PNLIP: variants seen among roughly 807,000 people sequenced by gnomAD.
PNLIP encodes the protein pancreatic triacylglycerol lipase.
A neutral mutation model predicts 57.1 loss-of-function variants in PNLIP; 49 were observed. The ratio of observed to expected loss-of-function variants is 0.86; its 90% CI spans 0.68 to 1.09. The LOEUF is 1.09. Among genes scored for constraint, PNLIP ranks in the 50% least tolerant of loss-of-function variants. PNLIP has a pLI of 0.00. For missense variants in PNLIP, 503 were observed against 570.2 expected (o/e 0.88, Z 1.20); for synonymous variants, 209 against 200.4 (o/e 1.04, Z -0.36).
At chr10:116,550,956 CT>C in intron 4 of PNLIP, 141 bp from the exon 5 acceptor site, 1 of 593,904 alleles carries the variant, frequency 1.7e-6, no homozygotes, top group Non-Finnish European at 2.7e-6. Flanking sequence ...CTATAACAGA[CT>C]AAAAGTTTTG....
At chr10:116,554,678 G>A (rs190512630) in intron 6 of PNLIP, among the ~76,000 whole-genome samples, 2 of 152,290 alleles carry the variant, frequency 1.3e-5, no homozygotes, top group East Asian at 3.9e-4. Flanking sequence ...TAAGTCGGCT[G>A]TATTTGGACT....
chr10:116,563,597 C>T (rs1245678140), intron 12 of PNLIP, among the ~76,000 whole-genome samples: 2 of 152,066 alleles, frequency 1.3e-5, no homozygotes, highest in Non-Finnish European at 2.9e-5. Context: ...TATGCCTTTG[C>T]GTCATCATAG....
Position 116,545,944 on chromosome 10 carries a change from G to T in PNLIP, c.-15G>T, listed in dbSNP as rs573549763. The T allele has an allele frequency of 4.1e-4, 263 of 636,054 alleles. 5 individuals carry two copies. In the South Asian group the frequency reaches 5.2e-3, roughly 13 times the overall value. 39.4% of individuals were successfully genotyped at this position (636,054 alleles called of 1,614,324 possible). A position where few individuals can be genotyped will look rare whatever the true frequency, so the allele number is the denominator to read the frequency against. ...TGCTATCTGGTTGCGTGTGGAACCT[G>T]ACGGAACTGCCACGGTGAGTCGGGA... On this transcript the variant is annotated 5_prime_UTR_variant, in exon 1 of 13. Coordinates refer to ENST00000369221, the MANE Select transcript of PNLIP (RefSeq NM_000936.4).
At chr10:116,565,542 C>A (rs1433813770) in intron 12 of PNLIP, among the ~76,000 whole-genome samples, 1 of 148,500 alleles carries the variant, frequency 6.7e-6, no homozygotes, top group Non-Finnish European at 1.5e-5. Context: ...TTCACTGCAA[C>A]CTCTGCCTCC....
chr10:116,549,161 G>A (rs1847161488), intron 4 of PNLIP, among the ~76,000 whole-genome samples: 1 of 152,150 alleles, frequency 6.6e-6, no homozygotes, highest in Non-Finnish European at 1.5e-5. Flanking sequence ...AAAGGGAGTA[G>A]TCCTTTCTTC....
At chr10:116,546,749 T>G (rs1413404090) in intron 2 of PNLIP, among the ~76,000 whole-genome samples, 1 of 152,242 alleles carries the variant, frequency 6.6e-6, no homozygotes, top group Admixed American at 6.5e-5. Flanking sequence ...AGAACCCTTC[T>G]TTGGGTTATT....
At position 116,556,099 on chromosome 10, in the gene PNLIP, C is replaced by G. The variant is rs752831063; in HGVS notation, c.911C>G (p.Ser304Cys). Residue 304 changes from serine to cysteine, a missense_variant, in exon 9 of 13, where the codon TCT (serine) becomes TGT (cysteine). Coordinates refer to ENST00000369221, the MANE Select transcript of PNLIP (RefSeq NM_000936.4). ...PDGFAGFPCA[S>C]YNVFTANKCF... ...GGCTTTGCTGGATTCCCCTGTGCCT[C>G]TTACAACGTCTTCACTGCAGTAAGT... 1.2e-6 allele frequency: 2 copies of G among 1,606,430 alleles called. No individual in the cohort carries two copies.
rs1399192651 is a variant in PNLIP at position 116,567,790 on chromosome 10, C to G, written c.1390C>G (p.Pro464Ala). The G allele has an allele frequency of 1.9e-5, 30 of 1,611,952 alleles. No individual in the cohort carries two copies. The highest frequency in any genetic ancestry group is 2.5e-5 in the Non-Finnish European group (30 of 1,178,104). Residue 464 changes from proline to alanine, a missense_variant, in exon 13 of 13, where the codon CCG becomes GCG. Transcript: ENST00000369221. Reference protein sequence around the residue: ...VREEVLLTLTPC With the variant: ...VREEVLLTLTAC ...GGAGGAAGTTCTGCTCACCCTCACA[C>G]CGTGTTAGGAGACTACTGTTATTTG...
chr10:116,564,296 G>A (rs1021216910), intron 12 of PNLIP, among the ~76,000 whole-genome samples: 1 of 152,046 alleles, frequency 6.6e-6, no homozygotes, highest in African/African-American at 2.4e-5. Context: ...AAAGCAGTCA[G>A]AGAAAAACCA....
chr10:116,553,813 C>A lies in PNLIP; in HGVS notation c.546C>A (p.Thr182=). ...CTGCTGGGGAGGCTGGAAGGAGAACCAATGGGACCATTGGACGCATCACAG... is the reference window on the plus strand; with the variant it reads ...CTGCTGGGGAGGCTGGAAGGAGAACAAATGGGACCATTGGACGCATCACAG... The part of the protein sequence containing the change: ...AHAAGEAGRR[T]NGTIGRITGL... The change falls in exon 6 of 13, where the codon ACC becomes ACA. Residue 182 remains threonine (T), a synonymous_variant. Transcript: ENST00000369221. The A allele has an allele frequency of 6.2e-7, 1 of 1,610,796 alleles. No homozygotes were observed. The highest frequency in any genetic ancestry group is 8.5e-7 in the Non-Finnish European group (1 of 1,177,516).
chr10:116,546,278 A>C, intron 2 of PNLIP, 140 bp downstream of exon 2: 1 of 716,606 alleles, frequency 1.4e-6, no homozygotes, highest in East Asian at 2.5e-5. Context: ...GCATAAGAGC[A>C]CAGGTACATG....
intron 4 of PNLIP, 134 bp from the exon 5 acceptor site, chr10:116,550,964 T>G (rs926668446): frequency 1.1e-5 from 7 of 628,984 alleles, no homozygotes; most frequent in East Asian, 9.3e-5. Context: ...GACTAAAAGT[T>G]TTGTCAATTG....
intron 12 of PNLIP, among the ~76,000 whole-genome samples, chr10:116,562,803 C>T (rs1262749710): frequency 1.3e-5 from 2 of 152,126 alleles, no homozygotes; most frequent in African/African-American, 4.8e-5. Context: ...GTTTATAATT[C>T]AAAGGACACA....
chr10:116,546,104 T>G lies in PNLIP; in HGVS notation c.12T>G (p.Leu4=). The part of the protein sequence containing the change: MLP[L]WTLSLLLGAV... ...TTAATTTCGTGTAGATGCTGCCACT[T>G]TGGACTCTTTCACTGCTGCTGGGAG... The change falls in exon 2 of 13, where the codon CTT becomes CTG. Residue 4 remains leucine, a synonymous_variant. Transcript: ENST00000369221. 3.1e-6 allele frequency: 5 copies of G among 1,613,720 alleles called. No individual in the cohort carries two copies. Among genetic ancestry groups the G allele is most frequent in the Middle Eastern group, 1.6e-4 (1 of 6,062 alleles).
chr10:116,555,226 G>C lies in PNLIP; in HGVS notation c.620G>C (p.Arg207Pro). 6.2e-7 allele frequency: 1 copy of C among 1,614,144 alleles called. No individual in the cohort carries two copies. The highest frequency in any genetic ancestry group is 8.5e-7 in the Non-Finnish European group (1 of 1,179,988). ...PCFQGTPELV[R>P]LDPSDAKFVD... ...TTTCAGGGCACACCTGAATTAGTCC[G>C]ATTGGACCCCAGCGATGCCAAATTT... Residue 207 changes from arginine (R) to proline (P), a missense_variant, in exon 7 of 13, where the codon CGA becomes CCA. Coordinates refer to ENST00000369221, the MANE Select transcript of PNLIP (RefSeq NM_000936.4).
At chr10:116,561,178 A>T (rs1308780143) in intron 11 of PNLIP, among the ~76,000 whole-genome samples, 1 of 152,212 alleles carries the variant, frequency 6.6e-6, no homozygotes, top group Non-Finnish European at 1.5e-5. Context: ...CATTTATTAA[A>T]TTGTGGGGGA....
At chr10:116,567,372 C>G (rs1186807309) in intron 12 of PNLIP, among the ~76,000 whole-genome samples, 1 of 152,082 alleles carries the variant, frequency 6.6e-6, no homozygotes, top group Non-Finnish European at 1.5e-5. Flanking sequence ...CAACGTAACA[C>G]CAGAAATTAG....
intron 9 of PNLIP, among the ~76,000 whole-genome samples, chr10:116,558,031 G>T (rs1488707818): frequency 2.6e-5 from 4 of 151,220 alleles, no homozygotes; most frequent in Non-Finnish European, 5.9e-5. Context: ...GAGGCAGGTG[G>T]ATCAGGAAGT....
chr10:116,551,765 G>A (rs534809653), intron 5 of PNLIP, among the ~76,000 whole-genome samples: 6 of 152,144 alleles, frequency 3.9e-5, no homozygotes, highest in Non-Finnish European at 8.8e-5. Context: ...ACAAAATACA[G>A]CCCTACTTCC....
Sources: allele counts gnomAD v4.1 joint callset (sites outside exome capture counted in the v4.1 genomes callset), GRCh38; gene constraint gnomAD v4.1.1; transcripts MANE v1.5; gene names NCBI Gene and HGNC (gene_info 2026-07-23, HGNC 2026-07-21).